USO1: variants seen among roughly 807,000 people sequenced by gnomAD.
The protein encoded by USO1 is general vesicular transport factor p115.
USO1 carries 57 observed loss-of-function variants against 124.5 expected under a neutral mutation model. The ratio of observed to expected loss-of-function variants is 0.46; its 90% CI spans 0.37 to 0.57. USO1 has a LOEUF of 0.57. Ranked by LOEUF, USO1 falls within the 20% of genes least tolerant of loss-of-function variation. USO1 has a pLI of 0.00. For synonymous variants in USO1, 369 were observed against 362.8 expected, an observed-to-expected ratio of 1.02 and a Z score of -0.19; for missense variants, 900 against 1,040.6, an observed-to-expected ratio of 0.86 and a Z score of 1.86.
At chr4:75,791,800 CA>C (rs11338698) in intron 12 of USO1, among the ~76,000 whole-genome samples, 98,163 of 151,136 alleles carry the variant, frequency 0.65, 33,942 homozygotes, top group East Asian at 0.91. Flanking sequence ...TTATATTTAC[CA>C]AAAAAAAATT....
intron 4 of USO1, among the ~76,000 whole-genome samples, chr4:75,763,703 C>A (rs775879500): frequency 6.6e-6 from 1 of 151,782 alleles, no homozygotes; most frequent in African/African-American, 2.4e-5. Context: ...TGGTCATTTA[C>A]AGGTTATAAA....
At chr4:75,725,531 T>C (rs1328864804) in intron 1 of USO1, among the ~76,000 whole-genome samples, 1 of 151,710 alleles carries the variant, frequency 6.6e-6, no homozygotes, top group Non-Finnish European at 1.5e-5. Context: ...TTGAACGTAG[T>C]AGGGATCTTA....
At chr4:75,805,709 T>TAAA (rs74838987) in intron 19 of USO1, among the ~76,000 whole-genome samples, 5 of 117,832 alleles carry the variant, frequency 4.2e-5, no homozygotes, top group Non-Finnish European at 9.1e-5. Context: ...ACTTTCCATC[T>TAAA]AAAAAAAAAA....
chr4:75,810,293 C>A, intron 21 of USO1, 139 bp from the exon 22 acceptor site: 1 of 952,154 alleles, frequency 1.1e-6, no homozygotes, highest in Non-Finnish European at 1.5e-6. Flanking sequence ...CACTTTGTTG[C>A]ACATAAATAC....
intron 3 of USO1, among the ~76,000 whole-genome samples, chr4:75,754,560 T>G (rs1231862415): frequency 1.3e-5 from 2 of 152,234 alleles, no homozygotes; most frequent in Non-Finnish European, 2.9e-5. Context: ...TCAAAGTTAA[T>G]TTATCTCTGG....
chr4:75,810,327 G>A (rs1035915592), intron 21 of USO1, 105 bp from the exon 22 acceptor site: 3 of 1,259,822 alleles, frequency 2.4e-6, no homozygotes, highest in Admixed American at 6.2e-5. Flanking sequence ...TTTTCTGTTA[G>A]TGAAAGTAAA....
chr4:75,741,601 C>CTTTTTTTT (rs34702586), intron 1 of USO1, among the ~76,000 whole-genome samples: 4 of 78,858 alleles, frequency 5.1e-5, no homozygotes, highest in Non-Finnish European at 9.0e-5. Context: ...ACTTTTTAAA[C>CTTTTTTTT]TTTTTTTTTT....
chr4:75,738,868 A>G (rs1334261268), intron 1 of USO1, among the ~76,000 whole-genome samples: 1 of 151,002 alleles, frequency 6.6e-6, no homozygotes, highest in Non-Finnish European at 1.5e-5. Context: ...TGTTTGGTTT[A>G]TTTTTTTGGA....
chr4:75,774,781 G>A lies in USO1; in HGVS notation c.661G>A (p.Gly221Arg), dbSNP rs369098609. The change falls in exon 8 of 24, where the codon GGG (glycine) becomes AGG (arginine). Residue 221 changes from glycine to arginine, a missense_variant. Around this residue, in one of 2 missense-constraint regions of USO1, gnomAD observed 538 missense variants for 681.6 expected, o/e 0.79. Transcript: ENST00000514213. ...ACTACTGGACATTATTTCAGAGGAG[G>A]GGAACAGTGATGGAGGTATAGTATG... ...ERLLDIISEE[G>R]NSDGGIVVED... 3.1e-6 allele frequency: 5 copies of A among 1,613,426 alleles called. No individual in the cohort carries two copies. Among genetic ancestry groups the A allele is most frequent in the Admixed American group, 1.7e-5 (1 of 59,956 alleles).
intron 9 of USO1, among the ~76,000 whole-genome samples, chr4:75,786,456 CTGTG>C (rs3059598): frequency 6.6e-6 from 1 of 151,824 alleles, no homozygotes; most frequent in African/African-American, 2.4e-5. Flanking sequence ...GGAGACATAA[CTGTG>C]TTAAATAGTT....
intron 1 of USO1, among the ~76,000 whole-genome samples, chr4:75,746,505 TTTG>T (rs1457978085): frequency 6.6e-6 from 1 of 152,236 alleles, no homozygotes; most frequent in Non-Finnish European, 1.5e-5. Context: ...TAAGCGTACT[TTTG>T]TACAGAATTT....
chr4:75,813,160 G>T lies in USO1; in HGVS notation c.2800-46G>T. The T allele has an allele frequency of 1.9e-6, 3 of 1,567,426 alleles. No homozygotes were observed. In the South Asian group the frequency reaches 3.6e-5, roughly 19 times the overall value. On this transcript the variant is annotated intron_variant, in intron 23 of 23. Transcript: ENST00000514213. ...GTATATATTGTTAAATGTTGAATGT[G>T]ACATGAACAGATTTTCACAATATTA...
rs1403999447 is a variant in USO1 at position 75,801,162 on chromosome 4, A to T, written c.1948A>T (p.Asn650Tyr). 1 of 1,611,080 alleles carries T rather than the reference A, an allele frequency of 6.2e-7. No individual in the cohort carries two copies. Among genetic ancestry groups the T allele is most frequent in the Non-Finnish European group, 8.5e-7 (1 of 1,178,788 alleles). ...EVKKTLEQHD[N>Y]IVTHYKNMIR... The stretch of plus-strand genomic sequence containing the variant: ...GAAAAAAACATTAGAACAGCATGAC[A>T]ATATTGTGACTCACTACAAAAATAT... The change falls in exon 17 of 24, where the codon AAT becomes TAT. Residue 650 changes from asparagine to tyrosine, a missense_variant. Physicochemically the swap from Asn to Tyr is moderately radical, Grantham distance 143. Around this residue, in one of 2 missense-constraint regions of USO1, gnomAD observed 362 missense variants for 359.0 expected, o/e 1.01. Coordinates refer to ENST00000514213, the MANE Select transcript of USO1 (RefSeq NM_003715.4).
chr4:75,775,232 A>G (rs1054977021), intron 8 of USO1, among the ~76,000 whole-genome samples: 2 of 152,080 alleles, frequency 1.3e-5, no homozygotes, highest in African/African-American at 4.8e-5. Flanking sequence ...GTAATTAGGA[A>G]GATTTTCAAA....
At chr4:75,742,522 T>C (rs774039922) in intron 1 of USO1, among the ~76,000 whole-genome samples, 3 of 152,248 alleles carry the variant, frequency 2.0e-5, no homozygotes, top group Non-Finnish European at 2.9e-5. Flanking sequence ...TTCTGTAATC[T>C]TACCTATCTT....
At chr4:75,783,708 A>G (rs1183251956) in intron 9 of USO1, among the ~76,000 whole-genome samples, 1 of 152,130 alleles carries the variant, frequency 6.6e-6, no homozygotes, top group Non-Finnish European at 1.5e-5. Flanking sequence ...AGGACTGATA[A>G]TTAGGGTAAT....
chr4:75,775,579 T>TGCC (rs1245977120), intron 8 of USO1, among the ~76,000 whole-genome samples: 1 of 152,108 alleles, frequency 6.6e-6, no homozygotes, highest in Non-Finnish European at 1.5e-5. Context: ...TTAAGGGTAT[T>TGCC]CACCATGATT....
chr4:75,811,597 T>A (rs1723154026), intron 22 of USO1, among the ~76,000 whole-genome samples: 1 of 152,200 alleles, frequency 6.6e-6, no homozygotes, highest in Admixed American at 6.5e-5. Flanking sequence ...TATTATTGTG[T>A]GACAGAGACA....
chr4:75,729,431 C>T (rs1720566270), intron 1 of USO1, among the ~76,000 whole-genome samples: 1 of 152,090 alleles, frequency 6.6e-6, no homozygotes, highest in South Asian at 2.1e-4. Context: ...CCTCCGCCTC[C>T]TGGGTTCAAG....
Sources: gnomAD v4.1 joint callset for allele counts (sites outside exome capture counted in the v4.1 genomes callset) on GRCh38, gnomAD v4.1.1 for gene constraint, gnomAD v4.1.1 regional missense constraint, MANE v1.5 for transcripts, NCBI Gene and HGNC (gene_info 2026-07-23, HGNC 2026-07-21) for gene names.